Variants in ESR1 observed in about 807,000 individuals in gnomAD.
ESR1 encodes estrogen receptor 1, also known as estrogen receptor.
A neutral mutation model predicts 52.7 loss-of-function variants in ESR1; 12 were observed. The ratio of observed to expected loss-of-function variants is 0.23; its 90% confidence interval spans 0.15 to 0.37. The LOEUF is 0.37. Ranked by LOEUF, ESR1 falls within the 10% of genes least tolerant of loss-of-function variation. ESR1 has a pLI of 1.00. For missense variants in ESR1, 584 were observed against 779.7 expected, an observed-to-expected ratio of 0.75 and a Z score of 2.99; for synonymous variants, 305 against 316.8, an observed-to-expected ratio of 0.96 and a Z score of 0.39.
chr6:151,899,520 G>C (rs1345554095), intron 3 of ESR1, among the ~76,000 whole-genome samples: 1 of 146,442 alleles, frequency 6.8e-6, no homozygotes, highest in African/African-American at 2.5e-5. Context: ...CTGGCCGGGC[G>C]GGGGGCTGAC....
chr6:151,914,153 C>G (rs1338710498), intron 3 of ESR1, among the ~76,000 whole-genome samples: 1 of 151,860 alleles, frequency 6.6e-6, no homozygotes, highest in African/African-American at 2.4e-5. Flanking sequence ...TTTCTTCTGT[C>G]TACTGTAAGG....
intron 5 of ESR1, among the ~76,000 whole-genome samples, chr6:152,042,557 A>G (rs2045895666): frequency 6.6e-6 from 1 of 152,142 alleles, no homozygotes; most frequent in Non-Finnish European, 1.5e-5. Context: ...ATTGTCAGCA[A>G]TGTAGTGGGG....
Position 151,944,114 on chromosome 6 carries a change from G to C in ESR1, c.761-59G>C, listed in dbSNP as rs1032318307. 9 of 1,484,720 alleles carry C rather than the reference G, an allele frequency of 6.1e-6. No homozygotes were observed. The Admixed American group carries it at 1.6e-4, about 26-fold the overall frequency. 92.0% of individuals were successfully genotyped at this position (1,484,720 alleles called of 1,614,324 possible). The stretch of plus-strand genomic sequence containing the variant: ...AGCTGGTTAGCTTTGAAAATTTTTT[G>C]TATAAAAGTTTACACGGGAAAAAAA... On this transcript the variant is annotated intron_variant, in intron 3 of 7. Transcript: ENST00000206249.
intron 6 of ESR1, chr6:152,125,188 A>G: frequency 6.7e-7 from 1 of 1,498,842 alleles, no homozygotes; most frequent in Non-Finnish European, 9.0e-7. Flanking sequence ...TGCCCACCGC[A>G]CTCTCTGCTG....
intron 2 of ESR1, among the ~76,000 whole-genome samples, chr6:151,851,568 C>G (rs1045697606): frequency 6.8e-6 from 1 of 146,770 alleles, no homozygotes; most frequent in South Asian, 2.2e-4. Flanking sequence ...CACTCTGTCA[C>G]TGAGGCTGCA....
chr6:151,735,063 A>G (rs1782543232), intron 2 of ESR1, among the ~76,000 whole-genome samples: 1 of 152,202 alleles, frequency 6.6e-6, no homozygotes, highest in Non-Finnish European at 1.5e-5. Flanking sequence ...GAATAAATAA[A>G]TTATATTCTT....
chr6:151,800,043 C>T (rs1022818250), upstream of ESR1, among the ~76,000 whole-genome samples: 2 of 152,012 alleles, frequency 1.3e-5, no homozygotes, highest in African/African-American at 4.8e-5. Context: ...ATAGGAGGAG[C>T]TTAATAAATA....
chr6:151,837,689 G>A (rs1465333406), intron 1 of ESR1, among the ~76,000 whole-genome samples: 1 of 152,252 alleles, frequency 6.6e-6, no homozygotes, highest in East Asian at 1.9e-4. Context: ...CATCTGTTAG[G>A]TTGAAGGACA....
chr6:151,660,804 A>G (rs1217602707), intron 1 of ESR1, among the ~76,000 whole-genome samples: 2 of 152,202 alleles, frequency 1.3e-5, no homozygotes, highest in Non-Finnish European at 2.9e-5. Flanking sequence ...GGTAAGCCCC[A>G]ATACACTGCC....
chr6:151,771,383 G>A (rs1015196174), intron 2 of ESR1, among the ~76,000 whole-genome samples: 5 of 152,154 alleles, frequency 3.3e-5, no homozygotes, highest in African/African-American at 1.2e-4. Flanking sequence ...TCTTCAGTCT[G>A]CTTTGTTCTA....
At chr6:151,873,233 CCA>C (rs1030067397) in intron 2 of ESR1, among the ~76,000 whole-genome samples, 3 of 152,178 alleles carry the variant, frequency 2.0e-5, no homozygotes, top group African/African-American at 7.2e-5. Context: ...GGTTCAAAAC[CCA>C]TCTGCCACTT....
intron 2 of ESR1, among the ~76,000 whole-genome samples, chr6:151,772,820 G>A (rs1562393561): frequency 6.6e-6 from 1 of 152,200 alleles, no homozygotes; most frequent in African/African-American, 2.4e-5. Context: ...CTGGGTGGTT[G>A]TAAAATGGAC....
At chr6:151,905,774 A>G (rs1797342761) in intron 3 of ESR1, among the ~76,000 whole-genome samples, 1 of 152,230 alleles carries the variant, frequency 6.6e-6, no homozygotes, top group Non-Finnish European at 1.5e-5. Flanking sequence ...AGCATAGTTT[A>G]TAGGCAAGAT....
intron 2 of ESR1, among the ~76,000 whole-genome samples, chr6:151,725,923 C>T (rs1781802068): frequency 6.6e-6 from 1 of 152,148 alleles, no homozygotes; most frequent in African/African-American, 2.4e-5. Flanking sequence ...AAGAAGTGAA[C>T]TTAAACTGAG....
chr6:152,036,794 G>A (rs1197647145), intron 5 of ESR1, among the ~76,000 whole-genome samples: 1 of 152,196 alleles, frequency 6.6e-6, no homozygotes, highest in East Asian at 1.9e-4. Context: ...AAGTGTGGAT[G>A]GAAGACAAGA....
chr6:152,052,537 A>T (rs987108590), intron 5 of ESR1, among the ~76,000 whole-genome samples: 1 of 152,224 alleles, frequency 6.6e-6, no homozygotes, highest in African/African-American at 2.4e-5. Context: ...TTAAAACATC[A>T]GAGTTGAGTA....
intron 5 of ESR1, among the ~76,000 whole-genome samples, chr6:152,038,036 G>A (rs2982713): frequency 0.39 from 59,602 of 151,906 alleles, 13,883 homozygotes; most frequent in African/African-American, 0.65. Flanking sequence ...AAGGAAGCCA[G>A]TCTGAGTCCC....
chr6:151,725,238 A>C (rs755914618), intron 2 of ESR1, among the ~76,000 whole-genome samples: 2 of 152,080 alleles, frequency 1.3e-5, no homozygotes, highest in African/African-American at 2.4e-5. Flanking sequence ...CACTAAATAT[A>C]CTTTTAGTGA....
chr6:151,690,291 C>T (rs1441858551), upstream of ESR1, among the ~76,000 whole-genome samples: 1 of 152,084 alleles, frequency 6.6e-6, no homozygotes, highest in Non-Finnish European at 1.5e-5. Flanking sequence ...GGCTGGATGG[C>T]ATAAAAAATA....
Sources: gnomAD v4.1 joint callset for allele counts (sites outside exome capture counted in the v4.1 genomes callset) on GRCh38, gnomAD v4.1.1 for gene constraint, MANE v1.5 for transcripts, NCBI Gene and HGNC (gene_info 2026-07-23, HGNC 2026-07-21) for gene names.